Variants in SSPN observed in about 807,000 individuals in gnomAD.
The protein encoded by SSPN is K-ras oncogene-associated protein.
In SSPN, 15 loss-of-function variants were observed where a neutral mutation model predicts 19.1. That is an observed-to-expected ratio of 0.78 (90% CI 0.52 to 1.21). SSPN has a LOEUF of 1.21. Among genes scored for constraint, SSPN ranks in the 50% most tolerant of loss-of-function variants. The pLI, the probability that SSPN is intolerant of heterozygous loss-of-function variation, is 0.00. For missense variants in SSPN, 291 were observed against 314.0 expected, an observed-to-expected ratio of 0.93 and a Z score of 0.55; for synonymous variants, 147 against 140.3, an observed-to-expected ratio of 1.05 and a Z score of -0.34.
intron 1 of SSPN, chr12:26,181,048 C>T (rs1308302990): frequency 6.6e-6 from 1 of 152,232 alleles, no homozygotes; most frequent in African/African-American, 2.4e-5. Context: ...GGACAAGAAG[C>T]AGGCTGGAAA....
chr12:26,178,040 A>G (rs1212964215), intron 1 of SSPN, among the ~76,000 whole-genome samples: 1 of 152,204 alleles, frequency 6.6e-6, no homozygotes, highest in African/African-American at 2.4e-5. Context: ...CAGCTACCCA[A>G]TTACTTGAGG....
chr12:26,162,778 A>G (rs900726600), intron 1 of SSPN, among the ~76,000 whole-genome samples: 1 of 152,190 alleles, frequency 6.6e-6, no homozygotes, highest in African/African-American at 2.4e-5. Flanking sequence ...TGGTTTAAAG[A>G]GTTTTGTTTG....
chr12:26,135,890 A>G (rs1406258994), intron 1 of SSPN, among the ~76,000 whole-genome samples: 3 of 152,134 alleles, frequency 2.0e-5, no homozygotes, highest in Non-Finnish European at 4.4e-5. Context: ...GATTTTTCCT[A>G]GGCTTTTTAT....
chr12:26,218,340 G>A (rs1591890811), intron 1 of SSPN, among the ~76,000 whole-genome samples: 1 of 17,716 alleles, frequency 5.6e-5, no homozygotes, highest in Admixed American at 3.0e-4. Flanking sequence ...GGGGGGAGGG[G>A]GGAGGGGGGA....
upstream of SSPN, among the ~76,000 whole-genome samples, chr12:26,191,646 T>TA (rs1165577362): frequency 8.8e-5 from 13 of 147,038 alleles, no homozygotes; most frequent in South Asian, 2.2e-4. Context: ...ATAAAGAAAA[T>TA]AAAAAAAATA....
chr12:26,138,662 A>T (rs539323675), intron 1 of SSPN, among the ~76,000 whole-genome samples: 23,079 of 152,066 alleles, frequency 0.15, 4,052 homozygotes, highest in African/African-American at 0.43. Flanking sequence ...GCACAAGGAA[A>T]GTCTAGATGC....
chr12:26,205,879 A>C (rs1223013664), intron 1 of SSPN, among the ~76,000 whole-genome samples: 1 of 152,234 alleles, frequency 6.6e-6, no homozygotes. Context: ...CTGAAACAGA[A>C]GGACCAAACC....
chr12:26,163,033 G>A (rs1944598837), intron 1 of SSPN, among the ~76,000 whole-genome samples: 1 of 18,664 alleles, frequency 5.4e-5, no homozygotes, highest in Middle Eastern at 0.036. Context: ...GCTTCAAGAC[G>A]TGTGTGTGTG....
At chr12:26,212,988 T>C (rs1240184946) in intron 1 of SSPN, among the ~76,000 whole-genome samples, 1 of 152,074 alleles carries the variant, frequency 6.6e-6, no homozygotes, top group Non-Finnish European at 1.5e-5. Flanking sequence ...CTCTTCGCTT[T>C]ATATTTGCGC....
At chr12:26,180,675 T>C (rs894061525) in intron 1 of SSPN, 5 of 152,182 alleles carry the variant, frequency 3.3e-5, no homozygotes, top group Admixed American at 2.0e-4. Flanking sequence ...TATATGCTGG[T>C]TTAAGATACA....
chr12:26,191,677 T>TAC (rs10525695), upstream of SSPN, among the ~76,000 whole-genome samples: 141 of 149,108 alleles, frequency 9.5e-4, no homozygotes, highest in South Asian at 1.3e-3. Flanking sequence ...TAATTTGTTC[T>TAC]ACACACACAC....
At position 26,180,034 on chromosome 12, in the gene SSPN, G is replaced by A. The variant is rs558129513; in HGVS notation, c.-30-44259G>A. ...CTGGCTTGAGGATGTGCTCTGTGTT[G>A]TTTGCTCATGGCACTGTAGAGGACT... On this transcript the variant is annotated intron_variant, in intron 1 of 2. Coordinates refer to the SSPN transcript ENST00000538142. 2.2e-5 allele frequency: 3 copies of A among 137,444 alleles called. No individual in the cohort carries two copies. In the East Asian group the frequency reaches 6.8e-4, roughly 31 times the overall value. The allele number at this position is 137,444 out of a possible 1,614,324, so 8.5% of individuals were successfully genotyped here.
chr12:26,181,145 C>T (rs1454569937), intron 1 of SSPN: 1 of 152,196 alleles, frequency 6.6e-6, no homozygotes, highest in African/African-American at 2.4e-5. Flanking sequence ...TATTTTCTTT[C>T]TCACTGAGGT....
Position 26,229,300 on chromosome 12 carries a change from T to A in SSPN, c.367-1411T>A, listed in dbSNP as rs927611327. Among the ~76,000 whole-genome samples the A allele has an allele frequency of 9.2e-5, 14 of 152,352 alleles. No individual in the cohort carries two copies. The South Asian group carries it at 2.9e-3, about 32-fold the overall frequency. Reference sequence around the variant, plus strand: ...ACCTTAGATAGACAGTCAAGCTGTATGTAATCCCTGATGGATTCCCTTACA... The same window carrying A: ...ACCTTAGATAGACAGTCAAGCTGTAAGTAATCCCTGATGGATTCCCTTACA... On this transcript the variant is annotated intron_variant, in intron 2 of 2. Transcript: ENST00000242729.
intron 1 of SSPN, among the ~76,000 whole-genome samples, chr12:26,208,225 C>A (rs1944949666): frequency 6.6e-6 from 1 of 152,158 alleles, no homozygotes; most frequent in South Asian, 2.1e-4. Context: ...CTAGCTATTG[C>A]CAAGTCACTA....
At chr12:26,168,500 CT>C (rs2137430774) in intron 1 of SSPN, among the ~76,000 whole-genome samples, 1 of 152,350 alleles carries the variant, frequency 6.6e-6, no homozygotes, top group East Asian at 1.9e-4. Context: ...ATTGCATTGA[CT>C]TTACAGACAT....
Position 26,231,115 on chromosome 12 carries a change from A to C in SSPN, c.*39A>C. ...AGTTGCGAGAGAAAGTAGCACATGGAGTAGCTGAGGTTAAACAAACAAAAA... is the reference window on the plus strand; with the variant it reads ...AGTTGCGAGAGAAAGTAGCACATGGCGTAGCTGAGGTTAAACAAACAAAAA... On this transcript the variant is annotated 3_prime_UTR_variant, in exon 3 of 3. Coordinates refer to ENST00000242729, the MANE Select transcript of SSPN (RefSeq NM_005086.5). 1 of 1,565,962 alleles carries C rather than the reference A, an allele frequency of 6.4e-7. No individual in the cohort carries two copies. Among genetic ancestry groups the C allele is most frequent in the Non-Finnish European group, 8.6e-7 (1 of 1,156,166 alleles).
chr12:26,229,889 A>G (rs544159979), intron 2 of SSPN, among the ~76,000 whole-genome samples: 1 of 152,348 alleles, frequency 6.6e-6, no homozygotes, highest in East Asian at 1.9e-4. Flanking sequence ...TGCTCAGAAT[A>G]TTTTAGGTGT....
chr12:26,203,823 G>A (rs1262594929), intron 1 of SSPN, among the ~76,000 whole-genome samples: 1 of 152,104 alleles, frequency 6.6e-6, no homozygotes. Flanking sequence ...GGCTAGGGAG[G>A]GTTCTCTTCC....
Sources: gnomAD v4.1 joint callset for allele counts (sites outside exome capture counted in the v4.1 genomes callset) on GRCh38, gnomAD v4.1.1 for gene constraint, MANE v1.5 for transcripts, NCBI Gene and HGNC (gene_info 2026-07-23, HGNC 2026-07-21) for gene names.